MAGI2: variants seen among roughly 807,000 people sequenced by gnomAD.
MAGI2 encodes the protein membrane associated guanylate kinase, WW and PDZ domain containing 2, also known as membrane-associated guanylate kinase, WW and PDZ domain-containing protein 2.
Under a neutral mutation model 133.3 loss-of-function variants are expected in MAGI2, and 35 were observed. The observed-to-expected ratio is 0.26, with a 90% CI of 0.20 to 0.35. MAGI2 has a LOEUF of 0.35. Among genes scored for constraint, MAGI2 ranks in the 10% least tolerant of loss-of-function variants. The pLI is 1.00. For missense variants in MAGI2, 1,636 were observed against 1,863.4 expected (o/e 0.88, Z 2.25); for synonymous variants, 729 against 710.6 (o/e 1.03, Z -0.41).
rs1338684543 is a variant in MAGI2 at position 78,695,204 on chromosome 7, G to A, written c.419-67965C>T. ...CACACCACTGCACTCCAGCCTGGGC[G>A]ACAGAGCGAGACTCTGTCTCAAAAA... is the stretch of plus-strand genomic sequence containing the variant. On this transcript the variant is annotated intron_variant, in intron 2 of 21. Coordinates refer to ENST00000354212, the MANE Select transcript of MAGI2 (RefSeq NM_012301.4). Among the ~76,000 whole-genome samples the A allele has an allele frequency of 3.9e-5, 6 of 152,076 alleles. 1 individual carries two copies. In the South Asian group the frequency reaches 8.3e-4, roughly 21 times the overall value.
At chr7:79,028,780 T>A (rs1050402904) in intron 1 of MAGI2, among the ~76,000 whole-genome samples, 4 of 152,168 alleles carry the variant, frequency 2.6e-5, no homozygotes, top group African/African-American at 4.8e-5. Flanking sequence ...GAATGCTCCA[T>A]GTCATAAAAG....
intron 6 of MAGI2, among the ~76,000 whole-genome samples, chr7:78,388,297 G>A (rs71573379): frequency 5.5e-4 from 60 of 108,974 alleles, no homozygotes; most frequent in East Asian, 3.3e-3. Context: ...CATCATCATC[G>A]TCATCATCAT....
At chr7:78,287,480 AACAG>A (rs1796264137) in intron 9 of MAGI2, among the ~76,000 whole-genome samples, 1 of 152,178 alleles carries the variant, frequency 6.6e-6, no homozygotes. Flanking sequence ...AAGGAGGTGG[AACAG>A]ACAATCTCTG....
intron 2 of MAGI2, among the ~76,000 whole-genome samples, chr7:78,856,297 T>C (rs1421333646): frequency 1.3e-5 from 2 of 152,210 alleles, no homozygotes; most frequent in Non-Finnish European, 2.9e-5. Flanking sequence ...TGCCATTGCT[T>C]TTGGTGTTTT....
chr7:78,964,697 T>C (rs1482676769), intron 2 of MAGI2, among the ~76,000 whole-genome samples: 1 of 152,046 alleles, frequency 6.6e-6, no homozygotes, highest in Non-Finnish European at 1.5e-5. Flanking sequence ...TGTTGATCAC[T>C]TTTGACATAA....
chr7:79,445,294 C>A (rs1161007071), intron 1 of MAGI2, among the ~76,000 whole-genome samples: 1 of 152,134 alleles, frequency 6.6e-6, no homozygotes, highest in Non-Finnish European at 1.5e-5. Flanking sequence ...GCAATGGCAA[C>A]AAAATCCAAA....
intron 2 of MAGI2, among the ~76,000 whole-genome samples, chr7:78,821,001 G>A (rs1790045519): frequency 6.6e-6 from 1 of 151,890 alleles, no homozygotes; most frequent in African/African-American, 2.4e-5. Context: ...TTTCAATTAA[G>A]TTTTACACAA....
chr7:79,403,021 T>C (rs905590116), intron 1 of MAGI2, among the ~76,000 whole-genome samples: 17 of 152,256 alleles, frequency 1.1e-4, no homozygotes, highest in African/African-American at 3.9e-4. Context: ...GGTATGAAGA[T>C]TAAATGTGAT....
intron 2 of MAGI2, among the ~76,000 whole-genome samples, chr7:78,771,773 TG>T: frequency 6.6e-6 from 1 of 151,822 alleles, no homozygotes; most frequent in South Asian, 2.1e-4. Flanking sequence ...AAAATAATAA[TG>T]TGAAAGGAAA....
intron 15 of MAGI2, among the ~76,000 whole-genome samples, chr7:78,163,286 C>T (rs35884869): frequency 0.14 from 21,609 of 151,988 alleles, 1,994 homozygotes; most frequent in Middle Eastern, 0.24. Flanking sequence ...TACAGGCGTC[C>T]GCCACCACGC....
rs1353220793 is a variant in MAGI2 at position 78,019,967 on chromosome 7, G to A, written c.3716C>T (p.Ala1239Val). The change falls in exon 22 of 22, where the codon GCC becomes GTC. Residue 1239 changes from alanine (A) to valine (V), a missense_variant. By Grantham distance (64) the Ala-to-Val change is moderately conservative (BLOSUM62 0). Coordinates refer to ENST00000354212, the MANE Select transcript of MAGI2 (RefSeq NM_012301.4). ...GGCGGCAGCGGGAGAACTCCAGGGG[G>A]CGGGTTCGTCTGTGGACGGGAAGCA... ...TGQVPEYDEP[A>V]PWSSPAAAAP... 1 of 1,605,378 alleles carries A rather than the reference G, an allele frequency of 6.2e-7. No individual in the cohort carries two copies. The highest frequency in any genetic ancestry group is 1.1e-5 in the South Asian group (1 of 89,782).
chr7:79,011,994 T>C (rs1562785602), intron 1 of MAGI2: 2 of 151,326 alleles, frequency 1.3e-5, no homozygotes, highest in Non-Finnish European at 1.5e-5. Flanking sequence ...TCTTGTTTTT[T>C]ATTGAGTAGC....
chr7:78,604,178 G>A (rs566377902), intron 3 of MAGI2, among the ~76,000 whole-genome samples: 34 of 152,250 alleles, frequency 2.2e-4, no homozygotes, highest in African/African-American at 7.5e-4. Flanking sequence ...ATTTAAGTAG[G>A]GAAAGAATAT....
At chr7:79,435,992 A>T (rs1180564048) in intron 1 of MAGI2, among the ~76,000 whole-genome samples, 1 of 152,170 alleles carries the variant, frequency 6.6e-6, no homozygotes, top group Non-Finnish European at 1.5e-5. Flanking sequence ...GATCTTTAAC[A>T]AGGTTGACAA....
chr7:78,691,647 T>G (rs1460379125), intron 2 of MAGI2, among the ~76,000 whole-genome samples: 1 of 152,122 alleles, frequency 6.6e-6, no homozygotes, highest in Non-Finnish European at 1.5e-5. Flanking sequence ...GAGCAGACTC[T>G]TTTAGTGAAA....
intron 6 of MAGI2, chr7:78,486,953 G>T: frequency 3.8e-6 from 2 of 525,680 alleles, no homozygotes. Flanking sequence ...CTCTGGGGCC[G>T]GGTCCATGGC....
At chr7:78,723,029 G>T (rs954164493) in intron 2 of MAGI2, among the ~76,000 whole-genome samples, 13 of 152,204 alleles carry the variant, frequency 8.5e-5, no homozygotes, top group African/African-American at 3.1e-4. Flanking sequence ...CAGTAAAGTT[G>T]CTAAGAGAAA....
rs868487406 is a variant in MAGI2, at chr7:79,212,275, T to C, written c.302-205069A>G. On this transcript the variant is annotated intron_variant, in intron 1 of 21. Transcript: ENST00000354212. ...ATTTCCTCATTGATCCTTGGAGGTG[T>C]CTGTAGTATTTTGCTATTGCATATA... 3.3e-5 allele frequency among the ~76,000 whole-genome samples: 5 copies of C among 152,178 alleles called. No homozygotes were observed. The South Asian group carries it at 8.3e-4, about 25-fold the overall frequency.
intron 1 of MAGI2, among the ~76,000 whole-genome samples, chr7:79,312,791 C>T (rs1046909700): frequency 1.3e-5 from 2 of 152,066 alleles, no homozygotes; most frequent in African/African-American, 2.4e-5. Context: ...GGGATCTCCT[C>T]GAATCTGGAT....
Sources: gnomAD v4.1 joint callset for allele counts (sites outside exome capture counted in the v4.1 genomes callset) on GRCh38, gnomAD v4.1.1 for gene constraint, MANE v1.5 for transcripts, NCBI Gene and HGNC (gene_info 2026-07-23, HGNC 2026-07-21) for gene names.